The following PARM1 variants were observed in gnomAD, a reference collection of about 807,000 sequenced individuals.
PARM1 encodes prostate androgen-regulated mucin-like protein 1, also known as WSC4, cell wall integrity and stress response component 4 homolog.
PARM1 carries 14 observed loss-of-function variants against 24.6 expected under a neutral mutation model. The ratio of observed to expected loss-of-function variants is 0.57; its 90% CI spans 0.38 to 0.89. The LOEUF is 0.89. Among genes scored for constraint, PARM1 ranks in the 40% least tolerant of loss-of-function variants. The pLI, the probability that PARM1 is intolerant of heterozygous loss-of-function variation, is 0.00. For missense variants in PARM1, 362 were observed against 380.4 expected (o/e 0.95, Z 0.40); for synonymous variants, 179 against 156.6 (o/e 1.14, Z -1.07).
intron 1 of PARM1, among the ~76,000 whole-genome samples, chr4:74,974,864 T>G (rs1231463974): frequency 6.6e-6 from 1 of 152,114 alleles, no homozygotes; most frequent in African/African-American, 2.4e-5. Flanking sequence ...TCTGTCTCTC[T>G]CCATCTCATG....
chr4:74,991,042 A>C (rs1414627895), intron 1 of PARM1, among the ~76,000 whole-genome samples: 2 of 152,162 alleles, frequency 1.3e-5, no homozygotes, highest in Admixed American at 6.6e-5. Context: ...AGAGTAATAT[A>C]TATTTTCAAC....
chr4:75,008,944 G>A (rs566836375), intron 1 of PARM1, among the ~76,000 whole-genome samples: 1 of 150,840 alleles, frequency 6.6e-6, no homozygotes, highest in Non-Finnish European at 1.5e-5. Context: ...TTTGCCCTTG[G>A]AATCTTCAAT....
At chr4:75,022,609 C>T (rs1174525078) in intron 2 of PARM1, among the ~76,000 whole-genome samples, 2 of 152,116 alleles carry the variant, frequency 1.3e-5, no homozygotes, top group African/African-American at 4.8e-5. Context: ...CAAATGCTTT[C>T]ACCAGTTGCA....
At chr4:75,008,678 G>A (rs186256799) in intron 1 of PARM1, among the ~76,000 whole-genome samples, 4 of 152,230 alleles carry the variant, frequency 2.6e-5, no homozygotes, top group Admixed American at 2.6e-4. Context: ...TTACAACTTG[G>A]TTTTACTTTT....
chr4:75,006,670 G>T (rs1024888697), intron 1 of PARM1, among the ~76,000 whole-genome samples: 2 of 152,176 alleles, frequency 1.3e-5, no homozygotes, highest in African/African-American at 4.8e-5. Context: ...TAATGGGATG[G>T]CTGGGTCAAA....
chr4:74,992,837 A>G (rs1722505778), intron 1 of PARM1, among the ~76,000 whole-genome samples: 1 of 152,228 alleles, frequency 6.6e-6, no homozygotes, highest in Non-Finnish European at 1.5e-5. Context: ...AATGCAAGAA[A>G]TTCTTCAGGT....
intron 3 of PARM1, among the ~76,000 whole-genome samples, chr4:75,044,532 A>T (rs941151072): frequency 6.6e-6 from 1 of 152,248 alleles, no homozygotes; most frequent in Non-Finnish European, 1.5e-5. Flanking sequence ...GAATAAACAC[A>T]GCAGGCAAAT....
At chr4:74,940,017 A>G (rs1001617190) in intron 1 of PARM1, among the ~76,000 whole-genome samples, 1 of 152,196 alleles carries the variant, frequency 6.6e-6, no homozygotes, top group Non-Finnish European at 1.5e-5. Context: ...AAGGAATTAG[A>G]TGAGAGAGGG....
At chr4:75,028,183 TGTC>T (rs1407836077) in intron 2 of PARM1, among the ~76,000 whole-genome samples, 1 of 152,242 alleles carries the variant, frequency 6.6e-6, no homozygotes, top group African/African-American at 2.4e-5. Context: ...TTATTTTTGT[TGTC>T]GTTGATTTCT....
intron 1 of PARM1, among the ~76,000 whole-genome samples, chr4:74,976,132 G>A (rs967738467): frequency 6.6e-6 from 1 of 152,180 alleles, no homozygotes; most frequent in Non-Finnish European, 1.5e-5. Flanking sequence ...CCTGAGCACA[G>A]AATCATGTAA....
At chr4:75,020,256 A>G (rs1348871170) in intron 2 of PARM1, among the ~76,000 whole-genome samples, 1 of 152,154 alleles carries the variant, frequency 6.6e-6, no homozygotes, top group African/African-American at 2.4e-5. Context: ...CAAGTATGGT[A>G]TCTTACGCTC....
At chr4:74,933,461 G>A in intron 1 of PARM1, 91 bp downstream of exon 1, 1 of 1,112,104 alleles carries the variant, frequency 9.0e-7, no homozygotes. Context: ...AGATCCGGCA[G>A]TGAGTCGCCG....
At chr4:74,971,098 T>C (rs531101875) in intron 1 of PARM1, among the ~76,000 whole-genome samples, 1 of 152,322 alleles carries the variant, frequency 6.6e-6, no homozygotes, top group African/African-American at 2.4e-5. Flanking sequence ...TATTAGTCTG[T>C]TCTCACAGGG....
At chr4:74,970,839 G>A (rs961102874) in intron 1 of PARM1, among the ~76,000 whole-genome samples, 4 of 152,198 alleles carry the variant, frequency 2.6e-5, no homozygotes, top group Admixed American at 2.6e-4. Flanking sequence ...ATACCTTAGA[G>A]TGAGAGGCAA....
rs114945290 is a variant in PARM1 at position 75,013,446 on chromosome 4, A to G, written c.769+296A>G. Among the ~76,000 whole-genome samples, 917 of 152,312 alleles carry G rather than the reference A, an allele frequency of 6.0e-3. 8 individuals are homozygous for G. Among genetic ancestry groups the G allele is most frequent in the African/African-American group, 0.021 (874 of 41,564 alleles). ...GGGATTAACAGCATGGCTTTGGCCA[A>G]GCTTCCTAGGTTTCAACTCTGGCTC... On this transcript the variant is annotated intron_variant, in intron 2 of 3. Transcript: ENST00000307428.
intron 2 of PARM1, among the ~76,000 whole-genome samples, chr4:75,023,093 C>T (rs945444518): frequency 2.0e-5 from 3 of 152,160 alleles, no homozygotes; most frequent in Non-Finnish European, 4.4e-5. Context: ...ATTATAAAAT[C>T]TCAGTAGGTC....
rs1723679038 is a variant in PARM1 at position 75,049,685 on chromosome 4, C to G, written c.*3438C>G. On this transcript the variant is annotated 3_prime_UTR_variant, in exon 4 of 4. Coordinates refer to ENST00000307428, the MANE Select transcript of PARM1 (RefSeq NM_015393.4). ...GTAGACGTAGACCTCTGTCCTTTAC[C>G]ATCTGAGGTCTTCTGGATTCTTTGT... 1 of 152,612 alleles carries G rather than the reference C, an allele frequency of 6.6e-6. No individual in the cohort carries two copies. The highest frequency in any genetic ancestry group is 1.5e-5 in the Non-Finnish European group (1 of 68,036). The allele number at this position is 152,612 out of a possible 1,614,324, so 9.5% of individuals were successfully genotyped here.
At chr4:74,971,855 G>T (rs1722043988) in intron 1 of PARM1, among the ~76,000 whole-genome samples, 1 of 152,158 alleles carries the variant, frequency 6.6e-6, no homozygotes, top group East Asian at 1.9e-4. Context: ...AAGTTTTCAA[G>T]GTTTCTGAGA....
intron 1 of PARM1, among the ~76,000 whole-genome samples, chr4:74,971,218 G>A (rs758677346): frequency 6.6e-6 from 1 of 152,192 alleles, no homozygotes; most frequent in Non-Finnish European, 1.5e-5. Context: ...AGGCGAAGGA[G>A]CAAAGGCATG....
Sources: allele counts gnomAD v4.1 joint callset (sites outside exome capture counted in the v4.1 genomes callset), GRCh38; gene constraint gnomAD v4.1.1; transcripts MANE v1.5; gene names NCBI Gene and HGNC (gene_info 2026-07-23, HGNC 2026-07-21).